The following PRKCH variants were observed in gnomAD, a reference collection of about 807,000 sequenced individuals.
PRKCH encodes protein kinase C eta.
PRKCH carries 28 observed loss-of-function variants against 82.5 expected under a neutral mutation model. The observed-to-expected ratio is 0.34, with a 90% CI of 0.25 to 0.47. The LOEUF is 0.47. PRKCH is among the 20% of genes least tolerant of loss of function. PRKCH has a pLI of 1.00. For missense variants in PRKCH, 705 were observed against 881.8 expected, an observed-to-expected ratio of 0.80 and a Z score of 2.54; for synonymous variants, 322 against 327.4, an observed-to-expected ratio of 0.98 and a Z score of 0.18.
At chr14:61,192,064 T>A (rs962708014) in intron 1 of PRKCH, among the ~76,000 whole-genome samples, 1 of 151,922 alleles carries the variant, frequency 6.6e-6, no homozygotes, top group African/African-American at 2.4e-5. Context: ...TAAAGACATA[T>A]TGGCTCAGAA....
chr14:61,471,305 A>G (rs1354008524), intron 9 of PRKCH, among the ~76,000 whole-genome samples: 1 of 152,182 alleles, frequency 6.6e-6, no homozygotes, highest in Non-Finnish European at 1.5e-5. Context: ...GCCTGGAGAG[A>G]ATGGAATGGC....
At chr14:61,272,831 A>C (rs144130433) in intron 1 of PRKCH, among the ~76,000 whole-genome samples, 221 of 152,300 alleles carry the variant, frequency 1.5e-3, no homozygotes, top group African/African-American at 5.2e-3. Flanking sequence ...GCTTTCAACT[A>C]TCAGAGGTGC....
At chr14:61,234,693 A>G (rs1319891172) in intron 1 of PRKCH, among the ~76,000 whole-genome samples, 1 of 152,240 alleles carries the variant, frequency 6.6e-6, no homozygotes, top group Non-Finnish European at 1.5e-5. Context: ...CAGCTGTCCA[A>G]ATTCATGCAA....
chr14:61,214,137 T>C (rs1286821958), intron 1 of PRKCH, among the ~76,000 whole-genome samples: 3 of 152,190 alleles, frequency 2.0e-5, no homozygotes, highest in Admixed American at 6.5e-5. Context: ...AGGGTGTTTC[T>C]GAGGAAGTGG....
chr14:61,447,749 A>G (rs767165881), intron 4 of PRKCH, among the ~76,000 whole-genome samples: 3 of 152,212 alleles, frequency 2.0e-5, no homozygotes, highest in Non-Finnish European at 2.9e-5. Context: ...TCAAGTGAAA[A>G]TGAAAATATA....
At chr14:61,201,674 C>T (rs1361457966) in intron 1 of PRKCH, among the ~76,000 whole-genome samples, 3 of 152,192 alleles carry the variant, frequency 2.0e-5, no homozygotes, top group Admixed American at 1.3e-4. Context: ...CATCAAAAAG[C>T]TGTGTTTTTA....
intron 10 of PRKCH, among the ~76,000 whole-genome samples, chr14:61,514,706 T>G (rs1285404854): frequency 1.3e-5 from 2 of 152,158 alleles, no homozygotes; most frequent in Non-Finnish European, 2.9e-5. Context: ...AATAGCCATT[T>G]ATTATGGGCC....
chr14:61,188,741 T>TGTGTGTGTGTGTGTGTGTCCG (rs1372990543), intron 1 of PRKCH, among the ~76,000 whole-genome samples: 1 of 49,902 alleles, frequency 2.0e-5, no homozygotes, highest in Non-Finnish European at 4.8e-5. Context: ...GTGTGTGTGA[T>TGTGTGTGTGTGTGTGTGTCCG]GGAGTTTTGC....
chr14:61,377,650 T>C (rs972515550), intron 1 of PRKCH, among the ~76,000 whole-genome samples: 1 of 152,226 alleles, frequency 6.6e-6, no homozygotes, highest in African/African-American at 2.4e-5. Context: ...AGTAAAACTT[T>C]ACTTATCAAA....
intron 1 of PRKCH, among the ~76,000 whole-genome samples, chr14:61,343,953 A>C (rs1444752978): frequency 1.3e-5 from 2 of 152,126 alleles, no homozygotes; most frequent in African/African-American, 4.8e-5. Context: ...CAAGGCCTGT[A>C]TTTTATAATG....
intron 1 of PRKCH, among the ~76,000 whole-genome samples, chr14:61,373,370 A>G (rs940997595): frequency 5.3e-5 from 8 of 151,794 alleles, no homozygotes; most frequent in Non-Finnish European, 1.2e-4. Flanking sequence ...AGTGCCACAC[A>G]CTTTCAACCA....
rs1003227162 is a variant in PRKCH at position 61,442,779 on chromosome 14, T to A, written c.428-332T>A. On this transcript the variant is annotated intron_variant, in intron 2 of 13. Coordinates refer to ENST00000332981, the MANE Select transcript of PRKCH (RefSeq NM_006255.5). Reference sequence around the variant, plus strand: ...GACCTCCATCTCTATTAAAAAAAAATTATTTTTAATTAGCTGGGTATGGTG... The same window carrying A: ...GACCTCCATCTCTATTAAAAAAAAAATATTTTTAATTAGCTGGGTATGGTG... The A allele has an allele frequency of 5.0e-5, 8 of 161,066 alleles. No individual in the cohort carries two copies. In the South Asian group the frequency reaches 5.7e-4, roughly 12 times the overall value. 10.0% of individuals were successfully genotyped at this position (161,066 alleles called of 1,614,324 possible).
At chr14:61,234,074 T>C (rs1199796006) in intron 1 of PRKCH, among the ~76,000 whole-genome samples, 1 of 152,170 alleles carries the variant, frequency 6.6e-6, no homozygotes, top group Non-Finnish European at 1.5e-5. Flanking sequence ...CCACTCCTAT[T>C]TAGATAAGGT....
At chr14:61,520,086 AAAAAG>A (rs1395137105) in intron 10 of PRKCH, among the ~76,000 whole-genome samples, 6 of 151,968 alleles carry the variant, frequency 3.9e-5, no homozygotes, top group Non-Finnish European at 8.8e-5. Context: ...AAAAAAAAAA[AAAAAG>A]AAAGAAAGAT....
chr14:61,493,080 G>T (rs1886524600), intron 10 of PRKCH, among the ~76,000 whole-genome samples: 1 of 152,196 alleles, frequency 6.6e-6, no homozygotes, highest in Non-Finnish European at 1.5e-5. Flanking sequence ...CTGCAGAAAT[G>T]AAGTATTAAG....
intron 9 of PRKCH, among the ~76,000 whole-genome samples, chr14:61,461,121 G>A (rs2140299921): frequency 6.6e-6 from 1 of 152,274 alleles, no homozygotes; most frequent in South Asian, 2.1e-4. Context: ...GTCCTCAGTG[G>A]CTCTTGATGG....
intron 12 of PRKCH, among the ~76,000 whole-genome samples, chr14:61,539,975 C>A (rs1088674): frequency 0.61 from 92,422 of 152,196 alleles, 34,620 homozygotes; most frequent in Non-Finnish European, 0.83. Flanking sequence ...CTGCCTTTAA[C>A]TTCCACTCCC....
At chr14:61,281,729 A>T in intron 1 of PRKCH, 1 of 166,836 alleles carries the variant, frequency 6.0e-6, no homozygotes. Context: ...TTGCGGGGAA[A>T]AGGTGGCTCT....
At position 61,312,284 on chromosome 14, in the gene PRKCH, G is replaced by A. The variant is rs1355360278; in HGVS notation, c.-19+124616G>A. Among the ~76,000 whole-genome samples, 3 of 152,342 alleles carry A rather than the reference G, an allele frequency of 2.0e-5. No homozygotes were observed. The South Asian group carries it at 6.2e-4, about 32-fold the overall frequency. On this transcript the variant is annotated intron_variant, in intron 1 of 3. Coordinates refer to the PRKCH transcript ENST00000555185. ...CCTAAGCAGCTGGGATTACAGGCAT[G>A]TGCCACCATGCCTGGCTCATTTTTG...
Sources: allele counts gnomAD v4.1 joint callset (sites outside exome capture counted in the v4.1 genomes callset), GRCh38; gene constraint gnomAD v4.1.1; transcripts MANE v1.5; gene names NCBI Gene and HGNC (gene_info 2026-07-23, HGNC 2026-07-21).